PI16: variants seen among roughly 807,000 people sequenced by gnomAD.
PI16 encodes the protein PSP94-binding protein.
A neutral mutation model predicts 38.0 loss-of-function variants in PI16; 35 were observed. The ratio of observed to expected loss-of-function variants is 0.92; its 90% confidence interval spans 0.70 to 1.22. The LOEUF is 1.22. Ranked by LOEUF, PI16 falls within the 50% of genes most tolerant of loss-of-function variation. The pLI, the probability that PI16 is intolerant of heterozygous loss-of-function variation, is 0.00. For missense variants in PI16, 572 were observed against 593.8 expected, an observed-to-expected ratio of 0.96 and a Z score of 0.38; for synonymous variants, 275 against 252.9, an observed-to-expected ratio of 1.09 and a Z score of -0.83.
At chr6:36,959,750 G>A (rs941111455) in intron 2 of PI16, among the ~76,000 whole-genome samples, 3 of 151,898 alleles carry the variant, frequency 2.0e-5, no homozygotes, top group Middle Eastern at 3.2e-3. Context: ...GGTGGCGCGC[G>A]CCAGCTGCTC....
rs762064253 is a variant in PI16, at chr6:36,954,773, T to C, written c.13T>C (p.Cys5Arg). Residue 5 changes from cysteine to arginine, a missense_variant, in exon 1 of 7, where the codon TGC becomes CGC. Cys to Arg is a radical substitution (Grantham distance 180). Transcript: ENST00000373674. ...ACGGCTGGCCACCATGCACGGCTCC[T>C]GCAGTTTCCTGATGCTTCTGCTGCC... MHGSCSFLMLLLPLL... is the reference protein window; with the variant it reads MHGSRSFLMLLLPLL... 5.8e-5 allele frequency: 93 copies of C among 1,613,070 alleles called. No homozygotes were observed. The highest frequency in any genetic ancestry group is 1.6e-4 in the Middle Eastern group (1 of 6,072).
Position 36,962,981 on chromosome 6 carries a change from A to G in PI16, c.639A>G (p.Val213=), listed in dbSNP as rs376874345. ...PEDAQDLPYL[V]TEAPSFRATE... is the part of the protein sequence containing the mutation. ...ATGCTCAGGATTTGCCTTACCTGGT[A>G]ACTGAGGCCCCATCCTTCCGGGCGA... is the stretch of plus-strand genomic sequence containing the variant. Residue 213 remains valine, a synonymous_variant, in exon 5 of 7, where the codon GTA becomes GTG. Coordinates refer to ENST00000373674, the MANE Select transcript of PI16 (RefSeq NM_153370.3). The surrounding 1 kb of genome is among the most constrained non-coding windows in gnomAD (Gnocchi z 4.1). The G allele has an allele frequency of 6.2e-7, 1 of 1,614,160 alleles. No homozygotes were observed. The highest frequency in any genetic ancestry group is 1.1e-5 in the South Asian group (1 of 91,084).
chr6:36,956,308 C>G (rs1763205127), intron 1 of PI16, among the ~76,000 whole-genome samples: 1 of 152,344 alleles, frequency 6.6e-6, no homozygotes, highest in South Asian at 2.1e-4. Context: ...CTGATTGAGG[C>G]CTGTGACTCA....
At chr6:36,956,777 A>T (rs1763219131) in intron 1 of PI16, among the ~76,000 whole-genome samples, 1 of 152,224 alleles carries the variant, frequency 6.6e-6, no homozygotes, top group Admixed American at 6.5e-5. Context: ...TAAAGCACTC[A>T]GAAGAATGCC....
At position 36,962,678 on chromosome 6, in the gene PI16, G is replaced by A. The variant is rs981767503; in HGVS notation, c.593-257G>A. Among the ~76,000 whole-genome samples the A allele has an allele frequency of 6.6e-6, 1 of 152,104 alleles. No homozygotes were observed. Among genetic ancestry groups the A allele is most frequent in the African/African-American group, 2.4e-5 (1 of 41,408 alleles). On this transcript the variant is annotated intron_variant, in intron 4 of 6. Coordinates refer to ENST00000373674, the MANE Select transcript of PI16 (RefSeq NM_153370.3). The surrounding 1 kb of genome is among the most constrained non-coding windows in gnomAD (Gnocchi z 4.1). ...AGTAGAGATGGGGTTTCTCCATGTT[G>A]GTCAGGTTGGTCTCGAACTCCTGAC...
chr6:36,952,569 C>T (rs141649545), upstream of PI16, among the ~76,000 whole-genome samples: 337 of 152,310 alleles, frequency 2.2e-3, no homozygotes, highest in African/African-American at 7.2e-3. Flanking sequence ...GCCTTTCCCT[C>T]GTTGAACGGT....
chr6:36,951,166 AT>A (rs2150732502), upstream of PI16, among the ~76,000 whole-genome samples: 1 of 152,320 alleles, frequency 6.6e-6, no homozygotes, highest in Admixed American at 6.5e-5. Context: ...CTCTGGAGAA[AT>A]GTCTTTTCGA....
rs41272198 is a variant in PI16 at position 36,963,038 on chromosome 6, T to C, written c.696T>C (p.Thr232=). 216,782 of 1,614,124 alleles carry C rather than the reference T, an allele frequency of 0.13. 15,919 individuals are homozygous for C. The highest frequency in any genetic ancestry group is 0.21 in the Middle Eastern group (1,252 of 6,062). Residue 232 remains threonine (T), a synonymous_variant, in exon 5 of 7, where the codon ACT becomes ACC. Transcript: ENST00000373674. ...TEASDSRKMG[T]PSSLATGIPA... ...CATCAGACTCTAGGAAAATGGGTAC[T>C]CCTTCTTCCCTAGCAACGGGGATTC... is the stretch of plus-strand genomic sequence containing the variant.
upstream of PI16, among the ~76,000 whole-genome samples, chr6:36,952,274 A>C (rs1023155273): frequency 6.6e-6 from 1 of 152,148 alleles, no homozygotes; most frequent in Non-Finnish European, 1.5e-5. Context: ...GATTACAGGC[A>C]TGAGCCACTA....
chr6:36,951,694 T>C (rs1763101943), upstream of PI16, among the ~76,000 whole-genome samples: 1 of 151,878 alleles, frequency 6.6e-6, no homozygotes, highest in African/African-American at 2.4e-5. Context: ...AGGTCAGGAG[T>C]TTGAGACCAG....
chr6:36,963,143 C>G lies in PI16; in HGVS notation c.801C>G (p.Ser267=). The change falls in exon 5 of 7, where the codon TCC becomes TCG. Residue 267 remains serine (S), a synonymous_variant. Transcript: ENST00000373674. ...CTGTGGAAACCCAGGCCCCAACTTC[C>G]TTAGCAACGAAAGACCCGCCCTCCA... is the stretch of plus-strand genomic sequence containing the variant. ...LPAVETQAPT[S]LATKDPPSMA... is the part of the protein sequence containing the mutation. 1 of 1,614,218 alleles carries G rather than the reference C, an allele frequency of 6.2e-7. No homozygotes were observed. Among genetic ancestry groups the G allele is most frequent in the Non-Finnish European group, 8.5e-7 (1 of 1,180,024 alleles).
rs1763382694 is a variant in PI16, at chr6:36,962,082, A to C, written c.592+108A>C. 4.3e-6 allele frequency: 4 copies of C among 928,644 alleles called. No homozygotes were observed. The highest frequency in any genetic ancestry group is 3.9e-5 in the Admixed American group (2 of 51,088). The allele number at this position is 928,644 out of a possible 1,614,324, so 57.5% of individuals were successfully genotyped here. On this transcript the variant is annotated intron_variant, in intron 4 of 6. Transcript: ENST00000373674. The surrounding 1 kb of genome is among the most constrained non-coding windows in gnomAD (Gnocchi z 4.1). ...CTGAGCGGGACGTGGGCAGGGAAGG[A>C]GCCTGGTGGGATGCGACCACCGGGG...
In PI16 at chr6:36,954,932, G is replaced by C. The variant is rs768467879; in HGVS notation, c.171+1G>C. Reference sequence around the variant, plus strand: ...GACGGCCTCAGACATGCTGCACATGGTAAGTGTGGCCACGGCCCTTGCTGG... The same window carrying C: ...GACGGCCTCAGACATGCTGCACATGCTAAGTGTGGCCACGGCCCTTGCTGG... On this transcript the variant is annotated splice_donor_variant, in intron 1 of 6. Coordinates refer to ENST00000373674, the MANE Select transcript of PI16 (RefSeq NM_153370.3). LOFTEE classifies it high-confidence loss of function. The C allele has an allele frequency of 3.7e-6, 6 of 1,612,350 alleles. No individual in the cohort carries two copies. Among genetic ancestry groups the C allele is most frequent in the South Asian group, 1.1e-5 (1 of 90,980 alleles).
chr6:36,954,551 G>A, upstream of PI16: 1 of 621,120 alleles, frequency 1.6e-6, no homozygotes, highest in Non-Finnish European at 2.6e-6. Context: ...CAAGAGAAAG[G>A]AGGTTTTTGC....
At chr6:36,957,861 G>A (rs1763247065) in intron 1 of PI16, among the ~76,000 whole-genome samples, 1 of 152,194 alleles carries the variant, frequency 6.6e-6, no homozygotes. Flanking sequence ...CTACCGTGAT[G>A]GCACTTACAG....
intron 1 of PI16, among the ~76,000 whole-genome samples, chr6:36,955,195 A>G (rs1453792712): frequency 3.3e-5 from 5 of 152,218 alleles, no homozygotes; most frequent in African/African-American, 4.8e-5. Flanking sequence ...AGTGAGGCTC[A>G]GAGGGATTTG....
intron 1 of PI16, among the ~76,000 whole-genome samples, chr6:36,949,323 T>C (rs1245415358): frequency 2.0e-5 from 3 of 151,974 alleles, no homozygotes; most frequent in Non-Finnish European, 4.4e-5. Flanking sequence ...GGTTTCGTCA[T>C]GTTGGCCAGG....
intron 1 of PI16, among the ~76,000 whole-genome samples, chr6:36,958,311 C>G (rs190654327): frequency 1.6e-3 from 247 of 152,326 alleles, no homozygotes; most frequent in Non-Finnish European, 2.6e-3. Context: ...TCCTTTGGGT[C>G]GGATGCCTTG....
upstream of PI16, chr6:36,954,720 G>A: frequency 6.3e-7 from 1 of 1,578,120 alleles, no homozygotes; most frequent in South Asian, 1.2e-5. Flanking sequence ...AAATCCAGCT[G>A]CCAGACCCCT....
Sources: allele counts gnomAD v4.1 joint callset (sites outside exome capture counted in the v4.1 genomes callset), GRCh38; gene constraint gnomAD v4.1.1; non-coding constraint Gnocchi (gnomAD v3.1); transcripts MANE v1.5; gene names NCBI Gene and HGNC (gene_info 2026-07-23, HGNC 2026-07-21).